The following CCAR1 variants were observed in gnomAD, a reference collection of about 807,000 sequenced individuals.
CCAR1 encodes the protein cell division cycle and apoptosis regulator 1.
A neutral mutation model predicts 163.8 loss-of-function variants in CCAR1; 78 were observed. The observed-to-expected ratio is 0.48, with a 90% CI of 0.40 to 0.57. CCAR1 has a LOEUF of 0.57. Ranked by LOEUF, CCAR1 falls within the 20% of genes least tolerant of loss-of-function variation. The pLI is 0.00. For synonymous variants in CCAR1, 443 were observed against 460.7 expected, an observed-to-expected ratio of 0.96 and a Z score of 0.49; for missense variants, 1,019 against 1,365.2, an observed-to-expected ratio of 0.75 and a Z score of 4.00.
intron 2 of CCAR1, among the ~76,000 whole-genome samples, chr10:68,730,326 A>AAT (rs748641938): frequency 0.023 from 3,328 of 144,994 alleles, 71 homozygotes; most frequent in African/African-American, 0.052. Flanking sequence ...TTTAAAAAAG[A>AAT]ATATATATAT....
In CCAR1 at chr10:68,752,083, AT is replaced by A. The variant is rs1160538995; in HGVS notation, c.1119-1761del. Among the ~76,000 whole-genome samples the A allele has an allele frequency of 5.3e-5, 8 of 149,968 alleles. No individual in the cohort carries two copies. In the East Asian group the frequency reaches 1.4e-3, roughly 26 times the overall value. ...AGGCGCCCGCTACCACGCCCAGCTA[AT>A]TTTTTTTGTATTTTTAGTAGAGACA... On this transcript the variant is annotated intron_variant, in intron 10 of 24. Transcript: ENST00000265872.
At chr10:68,724,160 GA>G (rs35445759) in intron 2 of CCAR1, among the ~76,000 whole-genome samples, 126,207 of 146,926 alleles carry the variant, frequency 0.86, 54,421 homozygotes, top group East Asian at 0.97. Context: ...CTCTGTCTCA[GA>G]AAAAAAAAAA....
intron 17 of CCAR1, among the ~76,000 whole-genome samples, chr10:68,769,753 A>G (rs2056578728): frequency 6.6e-6 from 1 of 150,786 alleles, no homozygotes; most frequent in African/African-American, 2.4e-5. Context: ...CATCCTGGCT[A>G]ACACGGTGAA....
intron 2 of CCAR1, among the ~76,000 whole-genome samples, chr10:68,733,855 G>T (rs184568481): frequency 2.1e-4 from 32 of 152,152 alleles, no homozygotes; most frequent in African/African-American, 7.2e-4. Flanking sequence ...GTAGAGACAA[G>T]GTTTCACCAT....
chr10:68,748,739 G>A (rs1275743850), intron 8 of CCAR1, among the ~76,000 whole-genome samples: 1 of 151,908 alleles, frequency 6.6e-6, no homozygotes, highest in Non-Finnish European at 1.5e-5. Context: ...TTGGAGACAA[G>A]GTATTGGTCT....
At chr10:68,748,097 G>A (rs544411823) in intron 8 of CCAR1, among the ~76,000 whole-genome samples, 42 of 152,104 alleles carry the variant, frequency 2.8e-4, no homozygotes, top group Non-Finnish European at 4.9e-4. Flanking sequence ...CAAGTTATCC[G>A]CCCACTTCGG....
chr10:68,786,328 A>G (rs866487642), intron 20 of CCAR1, 110 bp downstream of exon 20: 2 of 857,276 alleles, frequency 2.3e-6, no homozygotes, highest in Admixed American at 5.6e-5. Flanking sequence ...ACCACTAAGT[A>G]AAATTCTGTC....
intron 16 of CCAR1, among the ~76,000 whole-genome samples, chr10:68,764,008 C>G (rs1589177305): frequency 6.6e-6 from 1 of 152,204 alleles, no homozygotes; most frequent in East Asian, 1.9e-4. Context: ...GGTTGCTGCT[C>G]CCAACCCCTT....
At chr10:68,729,698 G>T (rs557075647) in intron 2 of CCAR1, among the ~76,000 whole-genome samples, 12 of 82,674 alleles carry the variant, frequency 1.5e-4, no homozygotes, top group Non-Finnish European at 2.4e-4. Flanking sequence ...GCAAAACTCC[G>T]TCTTAAAAAA....
chr10:68,737,857 C>A lies in CCAR1; in HGVS notation c.259C>A (p.Pro87Thr). The change falls in exon 4 of 25, where the codon CCT (proline) becomes ACT (threonine). Residue 87 changes from proline to threonine, a missense_variant. By Grantham distance (38) the Pro-to-Thr change is conservative (BLOSUM62 -1). Coordinates refer to ENST00000265872, the MANE Select transcript of CCAR1 (RefSeq NM_018237.4). ...AAALQQQYSQ[P>T]QQALYSVQQQ... ...TTTAATCTTTCAGCAATATTCACAA[C>A]CTCAGCAGGCCCTGTATAGTGTGCA... The A allele has an allele frequency of 6.3e-7, 1 of 1,590,848 alleles. No individual in the cohort carries two copies. The highest frequency in any genetic ancestry group is 8.5e-7 in the Non-Finnish European group (1 of 1,172,008).
chr10:68,737,012 G>A lies in CCAR1; in HGVS notation c.210G>A (p.Gln70=), dbSNP rs760340297. 1.9e-6 allele frequency: 3 copies of A among 1,607,718 alleles called. No homozygotes were observed. Among genetic ancestry groups the A allele is most frequent in the South Asian group, 2.2e-5 (2 of 90,810 alleles). The change falls in exon 3 of 25, where the codon CAG becomes CAA. Residue 70 remains glutamine (Q), a synonymous_variant. Transcript: ENST00000265872. ...AGTTAACACAAACTGCTGCATTGCAGCAACAAGCCGCAGCTGCAGCAGCTG... is the reference window on the plus strand; with the variant it reads ...AGTTAACACAAACTGCTGCATTGCAACAACAAGCCGCAGCTGCAGCAGCTG... The part of the protein sequence containing the change: ...NYQLTQTAAL[Q]QQAAAAAAAL...
chr10:68,765,914 A>G lies in CCAR1; in HGVS notation c.2133A>G (p.Glu711=). The change falls in exon 17 of 25, where the codon GAA becomes GAG. Residue 711 remains glutamate (E), a synonymous_variant. Transcript: ENST00000265872. ...KEEEERKRQE[E]IERQRRERRY... is the part of the protein sequence containing the mutation. The stretch of plus-strand genomic sequence containing the variant: ...AAGAAGAAAGGAAACGTCAAGAGGA[A>G]ATAGAACGCCAGCGTCGAGAAAGAA... 1 of 1,613,154 alleles carries G rather than the reference A, an allele frequency of 6.2e-7. No homozygotes were observed. The highest frequency in any genetic ancestry group is 8.5e-7 in the Non-Finnish European group (1 of 1,179,728).
chr10:68,754,022 A>G lies in CCAR1; in HGVS notation c.1289A>G (p.Glu430Gly). 1.2e-6 allele frequency: 2 copies of G among 1,613,882 alleles called. No individual in the cohort carries two copies. Among genetic ancestry groups the G allele is most frequent in the Middle Eastern group, 1.7e-4 (1 of 6,060 alleles). ...YVMHREVESLEKNMAILDPPD... is the reference protein window; with the variant it reads ...YVMHREVESLGKNMAILDPPD... ...ATGCACAGAGAAGTAGAGTCCTTAGAAAAAAATATGGCCATTCTTGATCCA... is the reference window on the plus strand; with the variant it reads ...ATGCACAGAGAAGTAGAGTCCTTAGGAAAAAATATGGCCATTCTTGATCCA... Residue 430 changes from glutamate to glycine, a missense_variant, in exon 11 of 25, where the codon GAA (glutamate) becomes GGA (glycine). Coordinates refer to ENST00000265872, the MANE Select transcript of CCAR1 (RefSeq NM_018237.4).
intron 1 of CCAR1, chr10:68,721,739 G>A: frequency 3.1e-6 from 1 of 322,356 alleles, no homozygotes; most frequent in Non-Finnish European, 6.3e-6. Context: ...TTCCGTCGCC[G>A]GCGGCCGGCA....
chr10:68,772,699 A>C (rs943370421), intron 18 of CCAR1, among the ~76,000 whole-genome samples: 2 of 151,206 alleles, frequency 1.3e-5, no homozygotes, highest in Non-Finnish European at 2.9e-5. Context: ...TGGAGGTTGC[A>C]GTGAAGGGAA....
At chr10:68,767,996 CTG>C (rs1470699251) in intron 17 of CCAR1, among the ~76,000 whole-genome samples, 1 of 152,098 alleles carries the variant, frequency 6.6e-6, no homozygotes, top group Non-Finnish European at 1.5e-5. Context: ...AAAATTATTA[CTG>C]TGTTTAATTA....
intron 8 of CCAR1, among the ~76,000 whole-genome samples, chr10:68,748,379 G>A (rs981613297): frequency 1.3e-5 from 2 of 151,502 alleles, no homozygotes. Context: ...CAGTCTGGGC[G>A]ATAAGAGCAA....
rs2056400168 is a variant in CCAR1, at chr10:68,756,665, T to C, written c.1836+182T>C. The C allele has an allele frequency of 1.5e-6, 1 of 687,846 alleles. No homozygotes were observed. The highest frequency in any genetic ancestry group is 1.5e-5 in the South Asian group (1 of 66,514). 42.6% of individuals were successfully genotyped at this position (687,846 alleles called of 1,614,324 possible). On this transcript the variant is annotated intron_variant, in intron 14 of 24. Coordinates refer to ENST00000265872, the MANE Select transcript of CCAR1 (RefSeq NM_018237.4). This position sits in a 1 kb window ranked among gnomAD's most constrained non-coding sequence, Gnocchi z 5.1. Reference sequence around the variant, plus strand: ...CTTTTCTCTTAAAATTTCTGTCTTATTATCCTAACTTTAAGAGTGCTGAGA... The same window carrying C: ...CTTTTCTCTTAAAATTTCTGTCTTACTATCCTAACTTTAAGAGTGCTGAGA...
chr10:68,769,940 CAA>C (rs10527624), intron 17 of CCAR1, among the ~76,000 whole-genome samples: 104 of 69,968 alleles, frequency 1.5e-3, no homozygotes, highest in African/African-American at 3.2e-3. Context: ...GACTCTGTCT[CAA>C]AAAAAAAAAA....
Sources: gnomAD v4.1 joint callset for allele counts (sites outside exome capture counted in the v4.1 genomes callset) on GRCh38, gnomAD v4.1.1 for gene constraint, Gnocchi (gnomAD v3.1) non-coding constraint, MANE v1.5 for transcripts, NCBI Gene and HGNC (gene_info 2026-07-23, HGNC 2026-07-21) for gene names.